TMC7: variants seen among roughly 807,000 people sequenced by gnomAD.
The protein encoded by TMC7 is transmembrane channel-like protein 7.
In TMC7, 54 loss-of-function variants were observed where a neutral mutation model predicts 82.9. That is an observed-to-expected ratio of 0.65 (90% CI 0.52 to 0.82). The LOEUF (loss-of-function observed/expected upper bound fraction) is 0.82, where lower values mean the gene tolerates loss of function less well. TMC7 is among the 40% of genes least tolerant of loss of function. The probability of loss-of-function intolerance (pLI) is 0.00; values close to 1 mark genes in which losing one functional copy is unlikely to be tolerated. For missense variants in TMC7, 820 were observed against 901.2 expected, an observed-to-expected ratio of 0.91 and a Z score of 1.15; for synonymous variants, 350 against 337.9, an observed-to-expected ratio of 1.04 and a Z score of -0.39.
chr16:19,012,280 A>G (rs1959402715), intron 2 of TMC7: 1 of 152,146 alleles, frequency 6.6e-6, no homozygotes, highest in Non-Finnish European at 1.5e-5. Flanking sequence ...TTAAAAACCA[A>G]ATAAATAAAT....
At chr16:18,995,479 C>T (rs187076046) in intron 1 of TMC7, among the ~76,000 whole-genome samples, 51 of 152,232 alleles carry the variant, frequency 3.4e-4, no homozygotes, top group East Asian at 2.3e-3. Flanking sequence ...GGCTGCCGGG[C>T]GAGTTGGACA....
chr16:19,059,988 T>A, intron 15 of TMC7: 3 of 298,708 alleles, frequency 1.0e-5, no homozygotes, highest in South Asian at 3.6e-5. Flanking sequence ...AAAATAAAAA[T>A]AAAAAAAGAT....
At chr16:19,051,630 T>C in intron 12 of TMC7, 56 bp from the exon 13 acceptor site, 2 of 1,598,170 alleles carry the variant, frequency 1.3e-6, no homozygotes, top group Non-Finnish European at 1.7e-6. Context: ...CACTTATTTA[T>C]CTTCACAGAA....
At chr16:19,023,943 G>C (rs1432855216) in intron 5 of TMC7, among the ~76,000 whole-genome samples, 1 of 152,156 alleles carries the variant, frequency 6.6e-6, no homozygotes, top group Non-Finnish European at 1.5e-5. Flanking sequence ...GGACATGTGC[G>C]ATGCACAACC....
intron 6 of TMC7, among the ~76,000 whole-genome samples, chr16:19,034,728 A>G (rs1960668619): frequency 1.3e-5 from 2 of 152,098 alleles, no homozygotes; most frequent in South Asian, 4.1e-4. Context: ...GAAGGATGGG[A>G]AGGAGATCAG....
chr16:19,010,157 C>CCCTCCCCTCT (rs1309625664), intron 2 of TMC7, among the ~76,000 whole-genome samples: 78 of 141,506 alleles, frequency 5.5e-4, no homozygotes, highest in Admixed American at 1.2e-3. Flanking sequence ...CCCTCCCCTC[C>CCCTCCCCTCT]TCTCCTCTCC....
chr16:19,025,218 G>C (rs564240881), intron 5 of TMC7, among the ~76,000 whole-genome samples: 1 of 152,100 alleles, frequency 6.6e-6, no homozygotes, highest in African/African-American at 2.4e-5. Context: ...ATGTTTCCTA[G>C]TGGACAAAAT....
At chr16:19,001,536 A>C (rs570648057) in intron 1 of TMC7, among the ~76,000 whole-genome samples, 2 of 152,082 alleles carry the variant, frequency 1.3e-5, no homozygotes, top group Non-Finnish European at 1.5e-5. Context: ...ATGCATATTA[A>C]CTGGGTGTAG....
intron 3 of TMC7, among the ~76,000 whole-genome samples, chr16:19,020,998 G>A (rs28872596): frequency 0.48 from 73,433 of 151,976 alleles, 20,682 homozygotes; most frequent in East Asian, 0.74. Flanking sequence ...AATATACCAT[G>A]TTGATGGATC....
At chr16:19,058,698 G>A (rs1303898261) in intron 14 of TMC7, among the ~76,000 whole-genome samples, 1 of 152,148 alleles carries the variant, frequency 6.6e-6, no homozygotes, top group Non-Finnish European at 1.5e-5. Flanking sequence ...GCTTGGAAGA[G>A]ATGAGGGTTT....
intron 7 of TMC7, among the ~76,000 whole-genome samples, chr16:19,037,395 AAAAAAAAAG>A (rs898995254): frequency 1.4e-5 from 2 of 138,012 alleles, no homozygotes; most frequent in Admixed American, 8.1e-5. Context: ...TCAAAAAAAA[AAAAAAAAAG>A]AAAGAAAAAA....
chr16:19,015,387 A>C (rs1959631492), intron 2 of TMC7, among the ~76,000 whole-genome samples: 1 of 151,714 alleles, frequency 6.6e-6, no homozygotes, highest in Admixed American at 6.6e-5. Context: ...TCAGCCTCCC[A>C]AAGTTCAGAG....
chr16:19,037,109 G>A (rs1960782723), intron 7 of TMC7, among the ~76,000 whole-genome samples: 1 of 151,968 alleles, frequency 6.6e-6, no homozygotes, highest in African/African-American at 2.4e-5. Context: ...AAAAATAGTT[G>A]GGCTAGGCCA....
chr16:18,996,194 C>T (rs570556680), intron 1 of TMC7, among the ~76,000 whole-genome samples: 5 of 151,800 alleles, frequency 3.3e-5, no homozygotes, highest in East Asian at 3.9e-4. Flanking sequence ...CTTGGCCTGG[C>T]GAGGAGCAGC....
At chr16:19,012,886 G>A (rs1959452154) in intron 2 of TMC7, among the ~76,000 whole-genome samples, 1 of 148,140 alleles carries the variant, frequency 6.8e-6, no homozygotes, top group Non-Finnish European at 1.5e-5. Flanking sequence ...ACGGGATCTC[G>A]GCTCACTGCA....
chr16:18,987,080 C>T (rs183959837), intron 1 of TMC7, among the ~76,000 whole-genome samples: 2,170 of 152,250 alleles, frequency 0.014, 22 homozygotes, highest in Middle Eastern at 0.054. Context: ...GCTGGGATTA[C>T]AGGTGTGAGC....
intron 13 of TMC7, 81 bp from the exon 14 acceptor site, chr16:19,056,461 A>C: frequency 6.6e-7 from 1 of 1,505,632 alleles, no homozygotes; most frequent in Non-Finnish European, 8.9e-7. Flanking sequence ...ATTGTTAACA[A>C]AACATTCTGG....
chr16:19,030,631 T>A (rs905444566), intron 6 of TMC7, among the ~76,000 whole-genome samples: 1 of 149,242 alleles, frequency 6.7e-6, no homozygotes, highest in Admixed American at 6.8e-5. Context: ...CAGACTGGAG[T>A]GCGGTGGCGG....
chr16:18,984,395 C>T (rs975493833), intron 1 of TMC7: 18 of 1,261,856 alleles, frequency 1.4e-5, no homozygotes, highest in Middle Eastern at 3.1e-4. Flanking sequence ...GGTTTGTCTT[C>T]CAGCTGTTGA....
Sources: gnomAD v4.1 joint callset for allele counts (sites outside exome capture counted in the v4.1 genomes callset) on GRCh38, gnomAD v4.1.1 for gene constraint, MANE v1.5 for transcripts, NCBI Gene and HGNC (gene_info 2026-07-23, HGNC 2026-07-21) for gene names.